Variants in CLEC16A observed in about 807,000 individuals in gnomAD.
CLEC16A encodes protein CLEC16A.
In CLEC16A, 51 loss-of-function variants were observed where a neutral mutation model predicts 109.5. The observed-to-expected ratio is 0.47, with a 90% CI of 0.37 to 0.59. CLEC16A has a LOEUF of 0.59. Among genes scored for constraint, CLEC16A ranks in the 20% least tolerant of loss-of-function variants. The pLI is 0.00. For synonymous variants in CLEC16A, 673 were observed against 564.2 expected, an observed-to-expected ratio of 1.19 and a Z score of -2.73; for missense variants, 1,339 against 1,394.0, an observed-to-expected ratio of 0.96 and a Z score of 0.63.
Position 10,977,403 on chromosome 16 carries a change from G to T in CLEC16A, c.903+4G>T, listed in dbSNP as rs199826965. On this transcript the variant is annotated splice_donor_region_variant and intron_variant, in intron 8 of 23. Transcript: ENST00000409790. ...CTCACTGGAGAACCAGGACAAGGTG[G>T]GTCCAGCCCCGTGGCTCCCGCTGGC... The T allele has an allele frequency of 1.9e-6, 3 of 1,611,924 alleles. No homozygotes were observed. Among genetic ancestry groups the T allele is most frequent in the Non-Finnish European group, 2.5e-6 (3 of 1,178,882 alleles).
intron 22 of CLEC16A, among the ~76,000 whole-genome samples, chr16:11,160,743 A>C (rs1258243692): frequency 6.6e-6 from 1 of 152,252 alleles, no homozygotes; most frequent in African/African-American, 2.4e-5. Context: ...CGGGTAAAAG[A>C]AGCCTTGTAG....
At chr16:11,126,485 T>C in intron 22 of CLEC16A, 1 of 1,049,102 alleles carries the variant, frequency 9.5e-7, no homozygotes, top group Non-Finnish European at 1.3e-6. Context: ...CTTCTCCATG[T>C]AAGATGACTA....
intron 18 of CLEC16A, among the ~76,000 whole-genome samples, chr16:11,057,631 C>T (rs2048276361): frequency 6.6e-6 from 1 of 152,224 alleles, no homozygotes; most frequent in African/African-American, 2.4e-5. Flanking sequence ...CTAACCTGTT[C>T]TTCCTGGGTC....
chr16:11,073,233 C>T (rs1016314880), intron 19 of CLEC16A, among the ~76,000 whole-genome samples: 10 of 152,134 alleles, frequency 6.6e-5, no homozygotes, highest in Non-Finnish European at 1.3e-4. Flanking sequence ...GTGTTTTTGT[C>T]TTTAAAGGAA....
At chr16:11,027,927 G>A (rs190093981) in intron 13 of CLEC16A, among the ~76,000 whole-genome samples, 83 of 152,338 alleles carry the variant, frequency 5.4e-4, no homozygotes, top group Admixed American at 1.8e-3. Flanking sequence ...CTGGCTGGGC[G>A]TTGTGGCTCA....
chr16:11,080,956 GGCATCTTTGGGGGC>G (rs1446027276), intron 19 of CLEC16A, among the ~76,000 whole-genome samples: 1 of 152,220 alleles, frequency 6.6e-6, no homozygotes, highest in Non-Finnish European at 1.5e-5. Context: ...TTAGGTCGTG[GGCATCTTTGGGGGC>G]TATTACAGCC....
chr16:11,063,308 G>C (rs937007855), intron 19 of CLEC16A, among the ~76,000 whole-genome samples: 8 of 134,778 alleles, frequency 5.9e-5, no homozygotes, highest in East Asian at 2.1e-4. Flanking sequence ...TTGAGGGAGG[G>C]ATTGTAAATG....
chr16:11,070,420 T>G (rs1269837985), intron 19 of CLEC16A: 1 of 151,704 alleles, frequency 6.6e-6, no homozygotes, highest in Admixed American at 6.6e-5. Context: ...TTGCCCAGGC[T>G]GGTCTCAAAC....
At chr16:11,081,172 C>T (rs2049693003) in intron 19 of CLEC16A, among the ~76,000 whole-genome samples, 1 of 152,246 alleles carries the variant, frequency 6.6e-6, no homozygotes, top group African/African-American at 2.4e-5. Context: ...CTTGGCAGAT[C>T]CCTCTGACCT....
chr16:11,061,306 A>G (rs2048468443), intron 19 of CLEC16A, among the ~76,000 whole-genome samples: 1 of 152,204 alleles, frequency 6.6e-6, no homozygotes. Context: ...AACAAACTCC[A>G]GGGTTCCTGT....
At chr16:10,988,489 C>T (rs1255896159) in intron 10 of CLEC16A, among the ~76,000 whole-genome samples, 1 of 152,114 alleles carries the variant, frequency 6.6e-6, no homozygotes, top group East Asian at 1.9e-4. Flanking sequence ...GGGAGGTGTT[C>T]GGTGCAGGAG....
intron 12 of CLEC16A, chr16:11,024,175 T>C (rs1200908595): frequency 6.6e-6 from 1 of 152,280 alleles, no homozygotes; most frequent in Non-Finnish European, 1.5e-5. Context: ...GCAGCTCCCA[T>C]GCATTGGCAC....
intron 23 of CLEC16A, among the ~76,000 whole-genome samples, chr16:11,173,742 G>A (rs1018084811): frequency 3.3e-5 from 5 of 152,208 alleles, no homozygotes; most frequent in South Asian, 4.2e-4. Context: ...TGAGGATGCC[G>A]GGTTTTCGTG....
chr16:11,023,946 G>A (rs553469963), intron 12 of CLEC16A, among the ~76,000 whole-genome samples: 2 of 152,332 alleles, frequency 1.3e-5, no homozygotes, highest in African/African-American at 4.8e-5. Context: ...GTATTTTTCT[G>A]TGAGGCCCTT....
chr16:11,127,257 T>TA (rs1036033710), intron 22 of CLEC16A, among the ~76,000 whole-genome samples: 2 of 152,218 alleles, frequency 1.3e-5, no homozygotes, highest in Non-Finnish European at 2.9e-5. Context: ...TGTCACACAT[T>TA]AACACGTATA....
chr16:11,049,339 C>G (rs550495508), intron 17 of CLEC16A, among the ~76,000 whole-genome samples: 1 of 151,998 alleles, frequency 6.6e-6, no homozygotes, highest in Non-Finnish European at 1.5e-5. Flanking sequence ...GTGGGGGATC[C>G]CTACCTCATA....
chr16:11,128,298 C>T (rs1316768332), intron 22 of CLEC16A, among the ~76,000 whole-genome samples: 1 of 152,256 alleles, frequency 6.6e-6, no homozygotes, highest in Non-Finnish European at 1.5e-5. Flanking sequence ...CTTACCTCTT[C>T]TACCCTGCCT....
At chr16:11,140,164 A>AC (rs1314509651) in intron 22 of CLEC16A, among the ~76,000 whole-genome samples, 1 of 151,966 alleles carries the variant, frequency 6.6e-6, no homozygotes, top group Non-Finnish European at 1.5e-5. Context: ...TTCTGGGGTA[A>AC]CCTACGTGCC....
At chr16:10,971,380 C>A in intron 5 of CLEC16A, 150 bp downstream of exon 5, 1 of 821,504 alleles carries the variant, frequency 1.2e-6, no homozygotes, top group Non-Finnish European at 1.8e-6. Context: ...AACTTGGAAT[C>A]CCCTAGCATT....
Sources: allele counts gnomAD v4.1 joint callset (sites outside exome capture counted in the v4.1 genomes callset), GRCh38; gene constraint gnomAD v4.1.1; transcripts MANE v1.5; gene names NCBI Gene and HGNC (gene_info 2026-07-23, HGNC 2026-07-21).